CSGALNACT1: variants seen among roughly 807,000 people sequenced by gnomAD.
CSGALNACT1 encodes the protein chondroitin sulfate N-acetylgalactosaminyltransferase 1, also known as beta4GalNAcT-1.
Under a neutral mutation model 51.0 loss-of-function variants are expected in CSGALNACT1, and 52 were observed. The observed-to-expected ratio is 1.02, with a 90% CI of 0.82 to 1.29. CSGALNACT1 has a LOEUF of 1.29. Ranked by LOEUF, CSGALNACT1 falls within the 50% of genes most tolerant of loss-of-function variation. The pLI, the probability that CSGALNACT1 is intolerant of heterozygous loss-of-function variation, is 0.00. For synonymous variants in CSGALNACT1, 341 were observed against 254.4 expected, an observed-to-expected ratio of 1.34 and a Z score of -3.24; for missense variants, 935 against 679.2, an observed-to-expected ratio of 1.38 and a Z score of -4.19.
intron 3 of CSGALNACT1, among the ~76,000 whole-genome samples, chr8:19,510,000 A>G (rs2078163946): frequency 6.6e-6 from 1 of 152,182 alleles, no homozygotes. Context: ...GTCCCTGTCA[A>G]CAACAAATTT....
At chr8:19,450,486 C>G (rs2062985137) in intron 5 of CSGALNACT1, among the ~76,000 whole-genome samples, 1 of 152,046 alleles carries the variant, frequency 6.6e-6, no homozygotes, top group South Asian at 2.1e-4. Flanking sequence ...GCGGGTGGGG[C>G]ATCCGGGGGA....
intron 1 of CSGALNACT1, among the ~76,000 whole-genome samples, chr8:19,756,562 C>T (rs2065391634): frequency 6.6e-6 from 1 of 152,096 alleles, no homozygotes; most frequent in Non-Finnish European, 1.5e-5. Flanking sequence ...TCCTCTCCTC[C>T]CCGCCCTTCT....
intron 3 of CSGALNACT1, among the ~76,000 whole-genome samples, chr8:19,536,169 A>C (rs373451876): frequency 3.0e-4 from 46 of 152,320 alleles, no homozygotes; most frequent in Middle Eastern, 3.4e-3. Flanking sequence ...AATGTAAACT[A>C]TAAACTTTGG....
chr8:19,509,264 C>T (rs1014092543), intron 3 of CSGALNACT1, among the ~76,000 whole-genome samples: 1 of 152,150 alleles, frequency 6.6e-6, no homozygotes, highest in African/African-American at 2.4e-5. Flanking sequence ...TTTTACCCTT[C>T]GGATTCTTGC....
At chr8:19,692,138 G>T (rs1480823858) in intron 1 of CSGALNACT1, among the ~76,000 whole-genome samples, 1 of 152,092 alleles carries the variant, frequency 6.6e-6, no homozygotes, top group African/African-American at 2.4e-5. Flanking sequence ...CAGCATGGAG[G>T]AACCGCCCCC....
intron 3 of CSGALNACT1, among the ~76,000 whole-genome samples, chr8:19,522,591 T>C (rs1162289406): frequency 6.6e-6 from 1 of 152,138 alleles, no homozygotes; most frequent in Non-Finnish European, 1.5e-5. Context: ...ATAGATTCCA[T>C]AGTTGTACAC....
intron 3 of CSGALNACT1, among the ~76,000 whole-genome samples, chr8:19,528,937 G>T (rs923307808): frequency 6.6e-6 from 1 of 152,172 alleles, no homozygotes; most frequent in Non-Finnish European, 1.5e-5. Context: ...AGGGCACACA[G>T]CCTTCAGAAG....
At chr8:19,479,669 G>T (rs2070790026) in intron 4 of CSGALNACT1, among the ~76,000 whole-genome samples, 1 of 150,940 alleles carries the variant, frequency 6.6e-6, no homozygotes, top group African/African-American at 2.4e-5. Context: ...CAGATACACA[G>T]AAAGCCCCGA....
intron 3 of CSGALNACT1, among the ~76,000 whole-genome samples, chr8:19,526,649 G>C (rs2081770609): frequency 6.6e-6 from 1 of 151,946 alleles, no homozygotes. Context: ...GACTGATAAA[G>C]ATATTACTTA....
chr8:19,738,532 A>G (rs767048322), intron 1 of CSGALNACT1, among the ~76,000 whole-genome samples: 1 of 152,198 alleles, frequency 6.6e-6, no homozygotes, highest in Non-Finnish European at 1.5e-5. Context: ...GGAGACATGA[A>G]AAAAGTTCAG....
chr8:19,501,852 G>C (rs1448165900), intron 4 of CSGALNACT1, among the ~76,000 whole-genome samples: 3 of 152,186 alleles, frequency 2.0e-5, no homozygotes, highest in African/African-American at 7.2e-5. Flanking sequence ...GAGACAAACA[G>C]TGAAGCACAG....
chr8:19,757,029 G>A lies in CSGALNACT1; in HGVS notation c.-297+821C>T, dbSNP rs1322126287. 1.3e-5 allele frequency among the ~76,000 whole-genome samples: 2 copies of A among 150,782 alleles called. No homozygotes were observed. The highest frequency in any genetic ancestry group is 4.8e-5 in the African/African-American group (2 of 41,256). ...GGCGGGCAGCGGCGGAGGGAGGCCA[G>A]GCGCGGCACCGTCCTCCGCAGCTGC... On this transcript the variant is annotated intron_variant, in intron 1 of 1. Coordinates refer to the CSGALNACT1 transcript ENST00000517494. The surrounding 1 kb of genome is among the most constrained non-coding windows in gnomAD (Gnocchi z 4.0).
intron 1 of CSGALNACT1, among the ~76,000 whole-genome samples, chr8:19,746,452 C>G (rs1403930510): frequency 6.6e-6 from 1 of 152,138 alleles, no homozygotes; most frequent in African/African-American, 2.4e-5. Context: ...AAATAAGGAA[C>G]CTGGGTTCTA....
intron 1 of CSGALNACT1, among the ~76,000 whole-genome samples, chr8:19,637,420 C>A (rs2056218572): frequency 6.6e-6 from 1 of 152,132 alleles, no homozygotes; most frequent in Admixed American, 6.5e-5. Flanking sequence ...GTTTCTCTTT[C>A]CGGTTTATAA....
At chr8:19,502,438 C>T (rs954906795) in intron 4 of CSGALNACT1, among the ~76,000 whole-genome samples, 3 of 152,182 alleles carry the variant, frequency 2.0e-5, no homozygotes, top group African/African-American at 7.2e-5. Context: ...TCACAATTAG[C>T]CTGAAGTGTT....
rs539041487 is a variant in CSGALNACT1, at chr8:19,490,266, C to T, written c.634+14935G>A. Among the ~76,000 whole-genome samples the T allele has an allele frequency of 1.6e-4, 25 of 152,214 alleles. 1 individual carries two copies. Among genetic ancestry groups the T allele is most frequent in the South Asian group, 4.1e-4 (2 of 4,826 alleles). ...GGCTGCACACGAGAAGCTGCTTCTG[C>T]GACTCACACTGGTTTTCACAGACTG... On this transcript the variant is annotated intron_variant, in intron 4 of 9. Transcript: ENST00000454498.
chr8:19,405,930 G>C (rs35971700), exon 10 of CSGALNACT1: 4 of 1,613,932 alleles, frequency 2.5e-6, no homozygotes, highest in Non-Finnish European at 8.5e-7. Context: ...GGGTCAGCTC[G>C]TCCATGCAGC....
At chr8:19,631,002 G>T (rs186325924) in intron 1 of CSGALNACT1, among the ~76,000 whole-genome samples, 98 of 152,232 alleles carry the variant, frequency 6.4e-4, no homozygotes, top group Non-Finnish European at 1.0e-3. Context: ...ATTGGAGCTC[G>T]CTGGGTTTTG....
intron 4 of CSGALNACT1, among the ~76,000 whole-genome samples, chr8:19,477,584 T>C (rs1259049895): frequency 1.3e-5 from 2 of 152,296 alleles, no homozygotes; most frequent in East Asian, 3.9e-4. Context: ...AGACATAAAC[T>C]CTAACTTATT....
Sources: allele counts gnomAD v4.1 joint callset (sites outside exome capture counted in the v4.1 genomes callset), GRCh38; gene constraint gnomAD v4.1.1; non-coding constraint Gnocchi (gnomAD v3.1); transcripts MANE v1.5; gene names NCBI Gene and HGNC (gene_info 2026-07-23, HGNC 2026-07-21).